Variants in TMEM38B observed in about 807,000 individuals in gnomAD.
TMEM38B encodes trimeric intracellular cation channel type B.
A neutral mutation model predicts 28.7 loss-of-function variants in TMEM38B; 24 were observed. That is an observed-to-expected ratio of 0.84 (90% CI 0.61 to 1.18). TMEM38B has a LOEUF of 1.18. TMEM38B is among the 50% of genes most tolerant of loss of function. The pLI is 0.00. For missense variants in TMEM38B, 380 were observed against 350.9 expected (o/e 1.08, Z -0.66); for synonymous variants, 131 against 127.7 (o/e 1.03, Z -0.17).
At chr9:105,731,202 A>G (rs1196202850) in intron 4 of TMEM38B, among the ~76,000 whole-genome samples, 1 of 151,952 alleles carries the variant, frequency 6.6e-6, no homozygotes, top group Non-Finnish European at 1.5e-5. Flanking sequence ...GTGGGCATTT[A>G]GTGCTATAAA....
At chr9:105,764,427 A>G (rs1826278392) in intron 5 of TMEM38B, among the ~76,000 whole-genome samples, 1 of 152,198 alleles carries the variant, frequency 6.6e-6, no homozygotes, top group Non-Finnish European at 1.5e-5. Flanking sequence ...AAGCATTCTT[A>G]TACACCAACA....
chr9:105,773,189 A>G (rs1826613808), intron 5 of TMEM38B, among the ~76,000 whole-genome samples: 2 of 152,144 alleles, frequency 1.3e-5, no homozygotes, highest in Admixed American at 1.3e-4. Context: ...ACATCTGTGA[A>G]CACTGTGCAT....
intron 4 of TMEM38B, among the ~76,000 whole-genome samples, chr9:105,738,696 CAT>C (rs1837072889): frequency 6.7e-6 from 1 of 148,354 alleles, no homozygotes. Context: ...CTCACAGATC[CAT>C]ATGAGTTAAT....
intron 1 of TMEM38B, among the ~76,000 whole-genome samples, chr9:105,703,769 G>A (rs1835540979): frequency 6.6e-6 from 1 of 151,950 alleles, no homozygotes; most frequent in Non-Finnish European, 1.5e-5. Flanking sequence ...ATCTCATTGT[G>A]GTTTTGATTT....
At chr9:105,761,481 G>A (rs182690874) in intron 5 of TMEM38B, among the ~76,000 whole-genome samples, 5 of 152,284 alleles carry the variant, frequency 3.3e-5, no homozygotes, top group Non-Finnish European at 4.4e-5. Flanking sequence ...CAACTGCTAT[G>A]TGCCTTTCAT....
In TMEM38B at chr9:105,721,690, G is replaced by A. The variant is rs1836326909; in HGVS notation, c.423G>A (p.Trp141Ter). 6.2e-7 allele frequency: 1 copy of A among 1,612,778 alleles called. No individual in the cohort carries two copies. The highest frequency in any genetic ancestry group is 8.5e-7 in the Non-Finnish European group (1 of 1,179,346). Residue 141 changes from tryptophan (W) to a stop codon, truncating the protein, a stop_gained, in exon 3 of 6, where the codon TGG (tryptophan) becomes TGA (stop). Coordinates refer to ENST00000374692, the MANE Select transcript of TMEM38B (RefSeq NM_018112.3). LOFTEE classifies it high-confidence loss of function. ...THANSYYKNG[W>*]IVMIAIGWAR... ...CTAATAGCTATTACAAAAATGGCTG[G>A]ATAGTCATGATAGCTATTGGATGGG...
chr9:105,764,174 G>A (rs1418332730), intron 5 of TMEM38B, among the ~76,000 whole-genome samples: 4 of 150,928 alleles, frequency 2.7e-5, no homozygotes, highest in African/African-American at 9.7e-5. Flanking sequence ...ACTGGCACAA[G>A]ACAGGGATGC....
chr9:105,754,522 A>G (rs747009680), intron 5 of TMEM38B, among the ~76,000 whole-genome samples: 61 of 152,222 alleles, frequency 4.0e-4, no homozygotes, highest in Admixed American at 1.2e-3. Context: ...CTGCTCCTGA[A>G]CGACTCTTGG....
Position 105,705,707 on chromosome 9 carries a change from A to G in TMEM38B, c.223A>G (p.Lys75Glu). 1 of 1,613,954 alleles carries G rather than the reference A, an allele frequency of 6.2e-7. No individual in the cohort carries two copies. Among genetic ancestry groups the G allele is most frequent in the Non-Finnish European group, 8.5e-7 (1 of 1,180,018 alleles). Residue 75 changes from lysine (K) to glutamate (E), a missense_variant, in exon 2 of 6, where the codon AAG becomes GAG. Lys to Glu is a moderately conservative substitution (Grantham distance 56, BLOSUM62 1). Transcript: ENST00000374692. ...TCTACTGCTTGCAGAGCCTCCATTG[A>G]AGTTTCTTGCAAACCACACTAACAT... ...SCLLLAEPPL[K>E]FLANHTNILL...
intron 2 of TMEM38B, among the ~76,000 whole-genome samples, chr9:105,721,117 T>G (rs1836301081): frequency 6.6e-6 from 1 of 152,132 alleles, no homozygotes; most frequent in Non-Finnish European, 1.5e-5. Flanking sequence ...AGCCCTTGCT[T>G]TTACCAAAGG....
intron 4 of TMEM38B, among the ~76,000 whole-genome samples, chr9:105,736,903 C>T (rs1418605540): frequency 6.6e-6 from 1 of 152,140 alleles, no homozygotes; most frequent in Non-Finnish European, 1.5e-5. Context: ...GTGGCTTAAG[C>T]TTTTAAGAGC....
chr9:105,769,580 G>A (rs1826481309), intron 5 of TMEM38B, among the ~76,000 whole-genome samples: 1 of 152,158 alleles, frequency 6.6e-6, no homozygotes, highest in Non-Finnish European at 1.5e-5. Flanking sequence ...AAATTTACAA[G>A]TCTGGCTACA....
intron 4 of TMEM38B, among the ~76,000 whole-genome samples, chr9:105,745,785 A>G (rs970540113): frequency 1.3e-5 from 2 of 152,068 alleles, no homozygotes; most frequent in African/African-American, 4.8e-5. Context: ...AATTAATTTC[A>G]GTTTTCTACA....
intron 5 of TMEM38B, among the ~76,000 whole-genome samples, chr9:105,750,631 A>AACAAAT (rs1554780863): frequency 6.6e-6 from 1 of 151,760 alleles, no homozygotes; most frequent in East Asian, 2.0e-4. Flanking sequence ...AAAAAACAAA[A>AACAAAT]AACACACATT....
intron 4 of TMEM38B, among the ~76,000 whole-genome samples, chr9:105,747,487 C>T (rs1837457819): frequency 6.6e-6 from 1 of 152,042 alleles, no homozygotes; most frequent in African/African-American, 2.4e-5. Flanking sequence ...ATTAGTCTTG[C>T]TAGCGGTCTA....
intron 2 of TMEM38B, among the ~76,000 whole-genome samples, chr9:105,707,318 AAAT>A (rs1835706488): frequency 6.6e-6 from 1 of 152,166 alleles, no homozygotes; most frequent in African/African-American, 2.4e-5. Flanking sequence ...GTGAAGAAAA[AAAT>A]GTTACCCGGA....
At chr9:105,725,274 C>G (rs1234786918) in intron 4 of TMEM38B, among the ~76,000 whole-genome samples, 1 of 151,260 alleles carries the variant, frequency 6.6e-6, no homozygotes, top group Non-Finnish European at 1.5e-5. Flanking sequence ...TCTCCCCTCC[C>G]CTTGGCTCCT....
At position 105,762,706 on chromosome 9, in the gene TMEM38B, C is replaced by T. The variant is rs1294453565; in HGVS notation, c.661-11159C>T. ...AAGTCTTTGCTATTGTGAATAATGC[C>T]GCAATAAACATACATGTGCATGTGT... is the stretch of plus-strand genomic sequence containing the variant. On this transcript the variant is annotated intron_variant, in intron 5 of 5. Coordinates refer to ENST00000374692, the MANE Select transcript of TMEM38B (RefSeq NM_018112.3). Among the ~76,000 whole-genome samples the T allele has an allele frequency of 1.1e-3, 161 of 142,558 alleles. 1 individual carries two copies. Among genetic ancestry groups the T allele is most frequent in the African/African-American group, 3.9e-3 (145 of 37,382 alleles). 93.5% of individuals were successfully genotyped at this position (142,558 alleles called of 152,430 possible). A position where few individuals can be genotyped will look rare whatever the true frequency, so the allele number is the denominator to read the frequency against.
rs1410468163 is a variant in TMEM38B, at chr9:105,775,888, A to G, written c.*1808A>G. 1 of 152,138 alleles carries G rather than the reference A, an allele frequency of 6.6e-6. No individual in the cohort carries two copies. The highest frequency in any genetic ancestry group is 1.5e-5 in the Non-Finnish European group (1 of 68,030). 9.4% of individuals were successfully genotyped at this position (152,138 alleles called of 1,614,324 possible). A position where few individuals can be genotyped will look rare whatever the true frequency, so the allele number is the denominator to read the frequency against. On this transcript the variant is annotated 3_prime_UTR_variant, in exon 6 of 6. Coordinates refer to ENST00000374692, the MANE Select transcript of TMEM38B (RefSeq NM_018112.3). ...GTTTCAGAACTCATCTAGTATTTTG[A>G]CTAATATAGTATATATTCAGTGATT... is the stretch of plus-strand genomic sequence containing the variant.
Sources: gnomAD v4.1 joint callset for allele counts (sites outside exome capture counted in the v4.1 genomes callset) on GRCh38, gnomAD v4.1.1 for gene constraint, MANE v1.5 for transcripts, NCBI Gene and HGNC (gene_info 2026-07-23, HGNC 2026-07-21) for gene names.